LINGO2: variants seen among roughly 807,000 people sequenced by gnomAD.
LINGO2 encodes leucine rich repeat and Ig domain containing 2.
In LINGO2, 14 loss-of-function variants were observed where a neutral mutation model predicts 30.6. That is an observed-to-expected ratio of 0.46 (90% CI 0.30 to 0.72). The LOEUF is 0.72. Ranked by LOEUF, LINGO2 falls within the 30% of genes least tolerant of loss-of-function variation. The pLI, the probability that LINGO2 is intolerant of heterozygous loss-of-function variation, is 0.07. For missense variants in LINGO2, 729 were observed against 751.7 expected (o/e 0.97, Z 0.35); for synonymous variants, 317 against 288.5 (o/e 1.10, Z -1.00).
chr9:28,805,792 G>A, the LINGO2 span, among the ~76,000 whole-genome samples: 2 of 151,856 alleles, frequency 1.3e-5, no homozygotes, highest in Non-Finnish European at 1.5e-5. Flanking sequence ...TAATGATTGC[G>A]GTAGTTCAGG....
chr9:28,848,827 C>T, the LINGO2 span, among the ~76,000 whole-genome samples: 1 of 151,844 alleles, frequency 6.6e-6, no homozygotes, highest in South Asian at 2.1e-4. Flanking sequence ...AACTCCCACG[C>T]CTTCCTCTCC....
At chr9:29,066,265 A>T in the LINGO2 span, among the ~76,000 whole-genome samples, 1 of 151,956 alleles carries the variant, frequency 6.6e-6, no homozygotes, top group Non-Finnish European at 1.5e-5. Flanking sequence ...TAATTCTAGA[A>T]GCTGAAACAG....
At chr9:28,081,462 T>C (rs75124423) in intron 4 of LINGO2, among the ~76,000 whole-genome samples, 418 of 152,320 alleles carry the variant, frequency 2.7e-3, no homozygotes, top group African/African-American at 9.2e-3. Context: ...TCATGTGGTA[T>C]ATAATGGTAA....
At chr9:28,123,507 A>C (rs1208957152) in intron 4 of LINGO2, among the ~76,000 whole-genome samples, 2 of 152,188 alleles carry the variant, frequency 1.3e-5, no homozygotes, top group African/African-American at 2.4e-5. Context: ...ATCTGCCTTC[A>C]GTCAAGAGAC....
intron 4 of LINGO2, among the ~76,000 whole-genome samples, chr9:28,270,947 T>C (rs1380138013): frequency 6.6e-6 from 1 of 152,092 alleles, no homozygotes; most frequent in Non-Finnish European, 1.5e-5. Context: ...AGAGCCTATG[T>C]CTATTAACAT....
At chr9:27,949,997 G>C (rs1823564004) in exon 6 of LINGO2, 1 of 1,613,854 alleles carries the variant, frequency 6.2e-7, no homozygotes. Context: ...GTTTCAGGTG[G>C]AACAATCTTT....
At chr9:28,612,108 A>G (rs951068854) in intron 1 of LINGO2, among the ~76,000 whole-genome samples, 1 of 151,986 alleles carries the variant, frequency 6.6e-6, no homozygotes, top group Non-Finnish European at 1.5e-5. Flanking sequence ...ATTGCCTGTG[A>G]AAAAGTGCAA....
At chr9:28,311,290 C>A (rs946659898) in intron 3 of LINGO2, among the ~76,000 whole-genome samples, 2 of 152,130 alleles carry the variant, frequency 1.3e-5, no homozygotes, top group South Asian at 2.1e-4. Flanking sequence ...ACCACAGGAC[C>A]GGGGCAAAAT....
In LINGO2 at chr9:28,321,990, C is replaced by A. The variant is rs191707921; in HGVS notation, c.-245-26624G>T. ...ATCAATGAGATCCATTTTGTAAATA[C>A]AATAAAATCACATCATTCCAAAAGC... On this transcript the variant is annotated intron_variant, in intron 3 of 5. Coordinates refer to ENST00000379992, the Ensembl canonical transcript of LINGO2. Among the ~76,000 whole-genome samples the A allele has an allele frequency of 1.9e-3, 295 of 152,248 alleles. 1 individual carries two copies. The highest frequency in any genetic ancestry group is 0.01 in the South Asian group (50 of 4,822).
chr9:27,998,582 C>A (rs1821785121), intron 5 of LINGO2, among the ~76,000 whole-genome samples: 2 of 152,128 alleles, frequency 1.3e-5, no homozygotes, highest in African/African-American at 4.8e-5. Flanking sequence ...AATTCGAGAC[C>A]AGCCTGGCCA....
chr9:28,252,402 TC>T (rs1822235433), intron 4 of LINGO2, among the ~76,000 whole-genome samples: 1 of 152,048 alleles, frequency 6.6e-6, no homozygotes, highest in Non-Finnish European at 1.5e-5. Context: ...ATTTGTGTAT[TC>T]TTTAGTAGAG....
chr9:28,997,458 AAC>A, the LINGO2 span, among the ~76,000 whole-genome samples: 18 of 152,182 alleles, frequency 1.2e-4, no homozygotes, highest in Non-Finnish European at 2.4e-4. Context: ...TGACAAATAT[AAC>A]AGTTTGTTAA....
intron 4 of LINGO2, among the ~76,000 whole-genome samples, chr9:28,104,266 G>GTTTTTTTTT (rs74180789): frequency 8.2e-5 from 8 of 97,458 alleles, no homozygotes; most frequent in East Asian, 3.6e-4. Context: ...TTTTTTGTTT[G>GTTTTTTTTT]TTTTTTTTTT....
chr9:28,390,505 C>A (rs1421115256), intron 2 of LINGO2, among the ~76,000 whole-genome samples: 2 of 151,538 alleles, frequency 1.3e-5, no homozygotes, highest in African/African-American at 4.9e-5. Context: ...TTCCATTGTT[C>A]TCCTGCTATT....
the LINGO2 span, among the ~76,000 whole-genome samples, chr9:28,890,830 A>G: frequency 6.6e-6 from 1 of 152,054 alleles, no homozygotes; most frequent in African/African-American, 2.4e-5. Flanking sequence ...TCCTCTAGGC[A>G]GAGGCACCAT....
chr9:28,809,412 CA>C, the LINGO2 span, among the ~76,000 whole-genome samples: 2 of 152,270 alleles, frequency 1.3e-5, no homozygotes, highest in African/African-American at 4.8e-5. Context: ...ATTATTATCT[CA>C]AATCTATTCT....
chr9:28,058,671 A>G (rs1825039902), intron 4 of LINGO2, among the ~76,000 whole-genome samples: 1 of 152,162 alleles, frequency 6.6e-6, no homozygotes, highest in Non-Finnish European at 1.5e-5. Context: ...ATAAACATTC[A>G]GCCAATTTAT....
chr9:29,001,109 G>A, the LINGO2 span, among the ~76,000 whole-genome samples: 6 of 151,242 alleles, frequency 4.0e-5, no homozygotes, highest in African/African-American at 7.3e-5. Flanking sequence ...GTGTGTGAAC[G>A]TGAGAGAGAG....
At chr9:28,759,467 G>C in the LINGO2 span, among the ~76,000 whole-genome samples, 1,626 of 152,034 alleles carry the variant, frequency 0.011, 44 homozygotes, top group African/African-American at 0.037. Flanking sequence ...TGGATCACAA[G>C]GTCAGGAGAT....
Sources: allele counts gnomAD v4.1 joint callset (sites outside exome capture counted in the v4.1 genomes callset), GRCh38; gene constraint gnomAD v4.1.1; transcripts MANE v1.5; gene names NCBI Gene and HGNC (gene_info 2026-07-23, HGNC 2026-07-21).